Variants in NRXN1 observed in about 807,000 individuals in gnomAD.
The protein encoded by NRXN1 is neurexin 1.
In NRXN1, 39 loss-of-function variants were observed where a neutral mutation model predicts 150.9. That is an observed-to-expected ratio of 0.26 (90% confidence interval 0.20 to 0.34). The LOEUF is 0.34. Among genes scored for constraint, NRXN1 ranks in the 10% least tolerant of loss-of-function variants. NRXN1 has a pLI of 1.00. For missense variants in NRXN1, 1,815 were observed against 1,949.9 expected (o/e 0.93, Z 1.30); for synonymous variants, 924 against 757.0 (o/e 1.22, Z -3.62).
intron 18 of NRXN1, among the ~76,000 whole-genome samples, chr2:50,148,301 A>T (rs553186383): frequency 2.0e-4 from 30 of 151,558 alleles, no homozygotes; most frequent in Non-Finnish European, 4.1e-4. Flanking sequence ...ACCTCTGTTT[A>T]TGTCAGTTTC....
chr2:50,549,093 TA>T (rs1369506165), intron 9 of NRXN1, among the ~76,000 whole-genome samples: 2 of 152,096 alleles, frequency 1.3e-5, no homozygotes, highest in Admixed American at 6.5e-5. Context: ...ATAACTGATA[TA>T]AAAAATGGGT....
At chr2:50,513,231 T>C (rs943255734) in intron 12 of NRXN1, among the ~76,000 whole-genome samples, 1 of 152,164 alleles carries the variant, frequency 6.6e-6, no homozygotes, top group African/African-American at 2.4e-5. Flanking sequence ...TTATGGAAAA[T>C]AAGTTAAGTA....
intron 15 of NRXN1, among the ~76,000 whole-genome samples, chr2:50,476,050 G>T (rs942314042): frequency 2.0e-5 from 3 of 152,010 alleles, no homozygotes; most frequent in African/African-American, 4.8e-5. Flanking sequence ...CAAAATGAGT[G>T]GCTGATTTTT....
chr2:50,863,975 G>A (rs1676510818), intron 5 of NRXN1, among the ~76,000 whole-genome samples: 1 of 152,016 alleles, frequency 6.6e-6, no homozygotes, highest in Non-Finnish European at 1.5e-5. Flanking sequence ...TGAGACTGCT[G>A]TGTGCAGCTG....
Position 50,904,443 on chromosome 2 carries a change from C to T in NRXN1, c.832+17426G>A, listed in dbSNP as rs186090864. 3.4e-4 allele frequency among the ~76,000 whole-genome samples: 52 copies of T among 152,098 alleles called. No individual in the cohort carries two copies. The East Asian group carries it at 8.0e-3, about 23-fold the overall frequency. On this transcript the variant is annotated intron_variant, in intron 5 of 22. Transcript: ENST00000401669. ...CCAAGTTCATATTTGGGAACATAAA[C>T]GATGGTAAAATGGTTCTCTTCTAAG... is the stretch of plus-strand genomic sequence containing the variant.
chr2:50,920,596 C>T (rs572384933), intron 5 of NRXN1, among the ~76,000 whole-genome samples: 1 of 151,614 alleles, frequency 6.6e-6, no homozygotes. Context: ...TCCCTAAGTC[C>T]ACAAACTAAA....
chr2:50,829,225 G>A (rs1397435509), intron 5 of NRXN1, among the ~76,000 whole-genome samples: 5 of 151,882 alleles, frequency 3.3e-5, no homozygotes, highest in Non-Finnish European at 7.4e-5. Context: ...CGTGGAAAGA[G>A]AGGGAGAGGG....
chr2:50,188,063 C>T (rs1163136802), intron 18 of NRXN1, among the ~76,000 whole-genome samples: 1 of 152,018 alleles, frequency 6.6e-6, no homozygotes, highest in African/African-American at 2.4e-5. Flanking sequence ...TTTGAATACC[C>T]TATGTTTCTT....
At chr2:50,297,923 A>G (rs192880315) in intron 17 of NRXN1, among the ~76,000 whole-genome samples, 1 of 152,148 alleles carries the variant, frequency 6.6e-6, no homozygotes, top group African/African-American at 2.4e-5. Context: ...ATAAAACAAA[A>G]TCCGGGCACT....
At chr2:50,289,807 G>C (rs2072681450) in intron 17 of NRXN1, among the ~76,000 whole-genome samples, 1 of 151,946 alleles carries the variant, frequency 6.6e-6, no homozygotes, top group African/African-American at 2.4e-5. Flanking sequence ...CAAGACACTT[G>C]GATTCAGTGC....
intron 17 of NRXN1, among the ~76,000 whole-genome samples, chr2:50,383,276 CT>C (rs1352273575): frequency 2.0e-5 from 3 of 152,058 alleles, no homozygotes; most frequent in Non-Finnish European, 2.9e-5. Flanking sequence ...CTAGAAGATA[CT>C]TGGAACCCAG....
At chr2:50,857,308 A>G (rs1425363018) in intron 5 of NRXN1, among the ~76,000 whole-genome samples, 2 of 151,958 alleles carry the variant, frequency 1.3e-5, no homozygotes, top group East Asian at 1.9e-4. Context: ...GGGGTGGGGG[A>G]AATGGTGAAG....
intron 17 of NRXN1, among the ~76,000 whole-genome samples, chr2:50,283,239 T>C (rs2071692441): frequency 6.6e-6 from 1 of 152,196 alleles, no homozygotes; most frequent in East Asian, 1.9e-4. Flanking sequence ...TTGTTTTTGT[T>C]TCACCTATTC....
chr2:49,955,727 A>G (rs2104498069), intron 21 of NRXN1, among the ~76,000 whole-genome samples: 1 of 152,230 alleles, frequency 6.6e-6, no homozygotes, highest in South Asian at 2.1e-4. Context: ...AAAAAAAACT[A>G]TTCCTTTGTA....
At chr2:50,148,856 C>A (rs1209065113) in intron 18 of NRXN1, among the ~76,000 whole-genome samples, 1 of 151,704 alleles carries the variant, frequency 6.6e-6, no homozygotes, top group Admixed American at 6.6e-5. Flanking sequence ...ATGTGATAAT[C>A]CTAGGTCTGC....
rs56042523 is a variant in NRXN1 at position 50,730,672 on chromosome 2, CT to C, written c.833-107058del. The stretch of plus-strand genomic sequence containing the variant: ...AATCTTCCTTTATCTTTCTTGTTTT[CT>C]TTTTTTTTTTTTTTTTTGAGACGGA... On this transcript the variant is annotated intron_variant, in intron 5 of 22. Transcript: ENST00000401669. 8.4e-4 allele frequency among the ~76,000 whole-genome samples: 103 copies of C among 122,004 alleles called. 1 individual carries two copies. Among genetic ancestry groups the C allele is most frequent in the Non-Finnish European group, 9.6e-4 (59 of 61,400 alleles). 80.0% of individuals were successfully genotyped at this position (122,004 alleles called of 152,430 possible). A position where few individuals can be genotyped will look rare whatever the true frequency, so the allele number is the denominator to read the frequency against.
chr2:50,505,468 G>A (rs1385918674), intron 13 of NRXN1, among the ~76,000 whole-genome samples: 2 of 152,072 alleles, frequency 1.3e-5, no homozygotes, highest in Non-Finnish European at 2.9e-5. Flanking sequence ...TCTTACATGT[G>A]ACCTTAGATA....
intron 5 of NRXN1, among the ~76,000 whole-genome samples, chr2:50,735,672 T>C (rs1391161331): frequency 1.3e-5 from 2 of 152,202 alleles, no homozygotes; most frequent in African/African-American, 4.8e-5. Flanking sequence ...ATCTCAGCTA[T>C]GCTACGTCCC....
chr2:50,396,152 C>T (rs1276677935), intron 17 of NRXN1, among the ~76,000 whole-genome samples: 1 of 152,136 alleles, frequency 6.6e-6, no homozygotes, highest in African/African-American at 2.4e-5. Flanking sequence ...CAATGCAAAT[C>T]GCACCCTCTG....
Sources: allele counts gnomAD v4.1 joint callset (sites outside exome capture counted in the v4.1 genomes callset), GRCh38; gene constraint gnomAD v4.1.1; transcripts MANE v1.5; gene names NCBI Gene and HGNC (gene_info 2026-07-23, HGNC 2026-07-21).